Variants in TMEM108 observed in about 807,000 individuals in gnomAD.
TMEM108 encodes the protein transmembrane protein 108.
TMEM108 carries 12 observed loss-of-function variants against 35.1 expected under a neutral mutation model. The ratio of observed to expected loss-of-function variants is 0.34; its 90% CI spans 0.22 to 0.55. The LOEUF is 0.55. TMEM108 is among the 20% of genes least tolerant of loss of function. The pLI, the probability that TMEM108 is intolerant of heterozygous loss-of-function variation, is 0.89. For missense variants in TMEM108, 680 were observed against 753.3 expected (o/e 0.90, Z 1.14); for synonymous variants, 287 against 308.6 (o/e 0.93, Z 0.73).
chr3:133,176,079 T>C (rs768274984), intron 2 of TMEM108, among the ~76,000 whole-genome samples: 2 of 152,128 alleles, frequency 1.3e-5, no homozygotes, highest in East Asian at 3.9e-4. Flanking sequence ...CAAAGAAGGT[T>C]GTTACATAAT....
intron 2 of TMEM108, among the ~76,000 whole-genome samples, chr3:133,171,291 A>G (rs984071158): frequency 1.3e-5 from 2 of 152,256 alleles, no homozygotes; most frequent in African/African-American, 4.8e-5. Flanking sequence ...GGGCACAATA[A>G]TATAAACAAG....
chr3:133,224,525 T>G (rs1946039544), intron 2 of TMEM108, among the ~76,000 whole-genome samples: 2 of 152,150 alleles, frequency 1.3e-5, no homozygotes. Flanking sequence ...TGGAAGATAA[T>G]TGAATCATGG....
intron 3 of TMEM108, among the ~76,000 whole-genome samples, chr3:133,299,110 C>T (rs1004753717): frequency 2.0e-5 from 3 of 152,108 alleles, no homozygotes; most frequent in Non-Finnish European, 4.4e-5. Flanking sequence ...TAAGGGGAAA[C>T]TATATAAAGC....
chr3:133,060,654 C>T (rs1462148844), intron 2 of TMEM108, among the ~76,000 whole-genome samples: 2 of 152,144 alleles, frequency 1.3e-5, no homozygotes, highest in Non-Finnish European at 2.9e-5. Flanking sequence ...ACCAATTCAA[C>T]TTCTAGTATT....
chr3:133,092,990 GTTT>G (rs11293731), intron 2 of TMEM108, among the ~76,000 whole-genome samples: 2 of 137,594 alleles, frequency 1.5e-5, no homozygotes, highest in Non-Finnish European at 1.6e-5. Context: ...TGTAGGTAAA[GTTT>G]TTTTTTTTTT....
At chr3:133,084,610 G>A (rs1212484989) in intron 2 of TMEM108, among the ~76,000 whole-genome samples, 1 of 152,154 alleles carries the variant, frequency 6.6e-6, no homozygotes, top group East Asian at 1.9e-4. Flanking sequence ...ATTATTAATT[G>A]TAATGGCAAC....
chr3:133,260,355 A>C (rs990609331), intron 3 of TMEM108, among the ~76,000 whole-genome samples: 1 of 152,200 alleles, frequency 6.6e-6, no homozygotes, highest in Non-Finnish European at 1.5e-5. Context: ...TGGGGTTACT[A>C]TGATGGCATG....
At chr3:133,116,521 G>T (rs1163776668) in intron 2 of TMEM108, among the ~76,000 whole-genome samples, 1 of 151,904 alleles carries the variant, frequency 6.6e-6, no homozygotes, top group Non-Finnish European at 1.5e-5. Context: ...AAATGGGGGA[G>T]GCATATTACA....
intron 3 of TMEM108, among the ~76,000 whole-genome samples, chr3:133,281,895 A>T (rs377492211): frequency 1.3e-5 from 2 of 152,308 alleles, no homozygotes; most frequent in African/African-American, 2.4e-5. Context: ...TGGTGGCTCA[A>T]GCCTGTAATC....
chr3:133,348,479 A>C (rs1273525570), intron 3 of TMEM108, among the ~76,000 whole-genome samples: 1 of 152,182 alleles, frequency 6.6e-6, no homozygotes, highest in Non-Finnish European at 1.5e-5. Flanking sequence ...TGTTGAGTGC[A>C]CTGGGAGATA....
At chr3:133,337,848 C>A (rs910644449) in intron 3 of TMEM108, among the ~76,000 whole-genome samples, 1 of 152,018 alleles carries the variant, frequency 6.6e-6, no homozygotes, top group African/African-American at 2.4e-5. Context: ...ATAAATTCAA[C>A]AAACAGATTG....
intron 3 of TMEM108, among the ~76,000 whole-genome samples, chr3:133,341,776 T>C (rs755762230): frequency 1.7e-4 from 26 of 151,710 alleles, no homozygotes; most frequent in Non-Finnish European, 3.5e-4. Context: ...GGAACATACA[T>C]TGGAGAAAAG....
chr3:133,349,260 G>A (rs73207746), intron 3 of TMEM108, among the ~76,000 whole-genome samples: 6,667 of 152,192 alleles, frequency 0.044, 190 homozygotes, highest in Non-Finnish European at 0.064. Flanking sequence ...AACAGAGGAG[G>A]CATTCAAATC....
rs1945570260 is a variant in TMEM108, at chr3:133,195,980, C to T, written c.-46-33286C>T. The stretch of plus-strand genomic sequence containing the variant: ...GGGGCAATCAGATAGATATGTCTCA[C>T]CTTTTTCTTTTGCTATCTGACAGTT... On this transcript the variant is annotated intron_variant, in intron 2 of 5. Transcript: ENST00000321871. Among the ~76,000 whole-genome samples, 4 of 152,212 alleles carry T rather than the reference C, an allele frequency of 2.6e-5. No individual in the cohort carries two copies. The South Asian group carries it at 8.3e-4, about 32-fold the overall frequency.
chr3:133,187,806 CT>C (rs1945441631), intron 2 of TMEM108, among the ~76,000 whole-genome samples: 2 of 147,676 alleles, frequency 1.4e-5, no homozygotes. Flanking sequence ...GACTGGTTTC[CT>C]GGTTCCCATC....
At chr3:133,179,231 T>TA (rs1945290095) in intron 2 of TMEM108, among the ~76,000 whole-genome samples, 1 of 152,060 alleles carries the variant, frequency 6.6e-6, no homozygotes, top group African/African-American at 2.4e-5. Context: ...GTTCAACCAT[T>TA]GTGGAAGTCA....
intron 3 of TMEM108, among the ~76,000 whole-genome samples, chr3:133,328,823 A>G (rs1384062244): frequency 1.3e-5 from 2 of 152,186 alleles, no homozygotes; most frequent in Non-Finnish European, 2.9e-5. Flanking sequence ...ACCCTGAACA[A>G]TGCTTTCTGA....
chr3:133,143,421 G>GAA (rs535004606), intron 2 of TMEM108, among the ~76,000 whole-genome samples: 1 of 135,314 alleles, frequency 7.4e-6, no homozygotes, highest in Admixed American at 7.3e-5. Flanking sequence ...GTTTAAAAAA[G>GAA]AAAAAAAAAA....
intron 2 of TMEM108, among the ~76,000 whole-genome samples, chr3:133,163,984 A>T (rs771980537): frequency 1.4e-4 from 21 of 152,160 alleles, no homozygotes; most frequent in Non-Finnish European, 2.4e-4. Flanking sequence ...CCGAGCTAGG[A>T]TCTTGCCTAT....
Sources: gnomAD v4.1 joint callset for allele counts (sites outside exome capture counted in the v4.1 genomes callset) on GRCh38, gnomAD v4.1.1 for gene constraint, MANE v1.5 for transcripts, NCBI Gene and HGNC (gene_info 2026-07-23, HGNC 2026-07-21) for gene names.